Variants in TNFRSF10D observed in about 807,000 individuals in gnomAD.
TNFRSF10D encodes the protein TNF receptor superfamily member 10d.
In TNFRSF10D, 28 loss-of-function variants were observed where a neutral mutation model predicts 42.1. The ratio of observed to expected loss-of-function variants is 0.66; its 90% confidence interval spans 0.49 to 0.91. The LOEUF (loss-of-function observed/expected upper bound fraction) is 0.91. Among genes scored for constraint, TNFRSF10D ranks in the 40% least tolerant of loss-of-function variants. TNFRSF10D has a pLI of 0.00. For missense variants in TNFRSF10D, 503 were observed against 486.1 expected, an observed-to-expected ratio of 1.03 and a Z score of -0.33; for synonymous variants, 186 against 189.4, an observed-to-expected ratio of 0.98 and a Z score of 0.15.
In TNFRSF10D at chr8:23,139,517, A is replaced by G. The variant is rs1464108579; in HGVS notation, c.955-1257T>C. Among the ~76,000 whole-genome samples the G allele has an allele frequency of 1.1e-4, 16 of 152,284 alleles. No homozygotes were observed. In the South Asian group the frequency reaches 3.1e-3, roughly 30 times the overall value. ...TGTTAAAAAACATTAGAAAGTTCCC[A>G]TTGGAACATGCCTCAAAATGGTAAG... is the stretch of plus-strand genomic sequence containing the variant. On this transcript the variant is annotated intron_variant, in intron 7 of 8. Transcript: ENST00000312584.
chr8:23,148,630 T>C, intron 2 of TNFRSF10D, 79 bp from the exon 3 acceptor site: 2 of 1,097,570 alleles, frequency 1.8e-6, no homozygotes, highest in South Asian at 1.3e-5. Flanking sequence ...AATTTCTCTT[T>C]TGGCCCTCAG....
Position 23,144,504 on chromosome 8 carries a change from C to G in TNFRSF10D, c.900G>C (p.Leu300=), listed in dbSNP as rs2128836479. The G allele has an allele frequency of 6.2e-7, 1 of 1,614,246 alleles. No individual in the cohort carries two copies. Among genetic ancestry groups the G allele is most frequent in the African/African-American group, 1.3e-5 (1 of 75,072 alleles). ...VSEQEIQGQE[L]AELTGVTVEL... is the part of the protein sequence containing the mutation. ...CTACAGTCACACCTGTTAGCTCTGC[C>G]AGCTCCTGACCTTGGATTTCCTGCT... Residue 300 remains leucine (L), a synonymous_variant, in exon 7 of 9, where the codon CTG becomes CTC. Transcript: ENST00000312584.
chr8:23,154,800 G>T (rs754007725), intron 2 of TNFRSF10D, 74 bp downstream of exon 2: 148 of 1,445,682 alleles, frequency 1.0e-4, no homozygotes, highest in Admixed American at 2.0e-4. Context: ...CAAACATCAT[G>T]GTGTACACCA....
At chr8:23,142,351 T>A (rs984792447) in intron 7 of TNFRSF10D, among the ~76,000 whole-genome samples, 13 of 152,026 alleles carry the variant, frequency 8.6e-5, no homozygotes, top group Non-Finnish European at 1.5e-4. Context: ...CAACCTAGGT[T>A]CCCATCAACA....
Position 23,136,181 on chromosome 8 carries a change from T to C in TNFRSF10D, c.*1689A>G. 4.0e-6 allele frequency: 1 copy of C among 249,502 alleles called. No homozygotes were observed. The highest frequency in any genetic ancestry group is 4.6e-5 in the South Asian group (1 of 21,876). The allele number at this position is 249,502 out of a possible 1,614,324, so 15.5% of individuals were successfully genotyped here. On this transcript the variant is annotated 3_prime_UTR_variant, in exon 9 of 9. Coordinates refer to ENST00000312584, the MANE Select transcript of TNFRSF10D (RefSeq NM_003840.5). ...ATTTATCCTACCACGACTGGGCTAC[T>C]GTGGAGAAGAGTTTGCTGGAAAGAA...
chr8:23,139,529 C>T (rs1207161601), intron 7 of TNFRSF10D, among the ~76,000 whole-genome samples: 1 of 151,968 alleles, frequency 6.6e-6, no homozygotes, highest in Non-Finnish European at 1.5e-5. Context: ...TGGAACATGC[C>T]TCAAAATGGT....
intron 1 of TNFRSF10D, among the ~76,000 whole-genome samples, chr8:23,162,847 T>C (rs1379296954): frequency 1.3e-5 from 2 of 152,234 alleles, no homozygotes; most frequent in African/African-American, 4.8e-5. Context: ...GGAAAGCTTT[T>C]TCACAGGCTG....
At chr8:23,161,777 A>G (rs10089572) in intron 1 of TNFRSF10D, among the ~76,000 whole-genome samples, 26,125 of 151,506 alleles carry the variant, frequency 0.17, 2,970 homozygotes, top group East Asian at 0.58. Context: ...CACATGTGTG[A>G]ACTAGGTGTG....
intron 2 of TNFRSF10D, among the ~76,000 whole-genome samples, chr8:23,152,943 A>G (rs1387334884): frequency 3.3e-5 from 5 of 152,238 alleles, no homozygotes; most frequent in African/African-American, 1.2e-4. Flanking sequence ...AAAAAGAACA[A>G]TGATGGAGGC....
intron 1 of TNFRSF10D, among the ~76,000 whole-genome samples, chr8:23,162,089 C>A (rs1409754757): frequency 6.6e-6 from 1 of 152,172 alleles, no homozygotes; most frequent in Non-Finnish European, 1.5e-5. Context: ...AAATACAATA[C>A]CCTTGTTTAA....
intron 1 of TNFRSF10D, among the ~76,000 whole-genome samples, chr8:23,162,062 G>A (rs1283733680): frequency 2.6e-5 from 4 of 152,138 alleles, no homozygotes; most frequent in Non-Finnish European, 5.9e-5. Flanking sequence ...ATTAACCTGT[G>A]GCTTACCCAT....
intron 2 of TNFRSF10D, among the ~76,000 whole-genome samples, chr8:23,149,015 C>T (rs1027232048): frequency 4.0e-5 from 6 of 151,096 alleles, no homozygotes; most frequent in Non-Finnish European, 7.4e-5. Context: ...ACAGTGAAAC[C>T]CCATCTCTAC....
In TNFRSF10D at chr8:23,144,515, C is replaced by G. The variant is rs1800081675; in HGVS notation, c.889G>C (p.Gly297Arg). ...PTQVSEQEIQ[G>R]QELAELTGVT... ...CCTGTTAGCTCTGCCAGCTCCTGAC[C>G]TTGGATTTCCTGCTCAGAGACCTGG... The change falls in exon 7 of 9, where the codon GGT becomes CGT. Residue 297 changes from glycine (G) to arginine (R), a missense_variant. By Grantham distance (125) the Gly-to-Arg change is moderately radical. Transcript: ENST00000312584. The G allele has an allele frequency of 2.5e-6, 4 of 1,614,218 alleles. No individual in the cohort carries two copies. Among genetic ancestry groups the G allele is most frequent in the Non-Finnish European group, 2.5e-6 (3 of 1,180,044 alleles).
intron 2 of TNFRSF10D, among the ~76,000 whole-genome samples, chr8:23,153,855 C>T (rs958406764): frequency 2.6e-5 from 4 of 152,194 alleles, no homozygotes; most frequent in African/African-American, 9.7e-5. Context: ...TATGATCCAG[C>T]AATCCCAGTA....
At chr8:23,138,337 G>C in intron 7 of TNFRSF10D, 77 bp from the exon 8 acceptor site, 1 of 1,502,368 alleles carries the variant, frequency 6.7e-7, no homozygotes, top group Non-Finnish European at 9.3e-7. Context: ...CCACTAGCCA[G>C]CAAGAGACCT....
chr8:23,149,941 A>C (rs994615960), intron 2 of TNFRSF10D, among the ~76,000 whole-genome samples: 1 of 152,224 alleles, frequency 6.6e-6, no homozygotes, highest in African/African-American at 2.4e-5. Flanking sequence ...AGGGCCTCTT[A>C]TAATTATCCC....
intron 2 of TNFRSF10D, among the ~76,000 whole-genome samples, chr8:23,149,006 C>A (rs576865774): frequency 3.3e-5 from 5 of 151,464 alleles, no homozygotes; most frequent in Admixed American, 6.6e-5. Flanking sequence ...CTGGCTAACA[C>A]AGTGAAACCC....
chr8:23,161,669 T>G (rs10092352), intron 1 of TNFRSF10D, among the ~76,000 whole-genome samples: 26,476 of 151,900 alleles, frequency 0.17, 2,961 homozygotes, highest in East Asian at 0.58. Flanking sequence ...CTAATACCAT[T>G]AAGGAATGAA....
rs554521683 is a variant in TNFRSF10D, at chr8:23,144,474, C to T, written c.930G>A (p.Leu310=). Residue 310 remains leucine, a synonymous_variant, in exon 7 of 9, where the codon TTG becomes TTA. Coordinates refer to ENST00000312584, the MANE Select transcript of TNFRSF10D (RefSeq NM_003840.5). ...LAELTGVTVE[L]PEEPQRLLEQ... Reference sequence around the variant, plus strand: ...CCAGCAGACGCTGTGGCTCCTCTGGCAACTCTACAGTCACACCTGTTAGCT... The same window carrying T: ...CCAGCAGACGCTGTGGCTCCTCTGGTAACTCTACAGTCACACCTGTTAGCT... 3.7e-6 allele frequency: 6 copies of T among 1,613,936 alleles called. No homozygotes were observed. Among genetic ancestry groups the T allele is most frequent in the Non-Finnish European group, 5.1e-6 (6 of 1,179,934 alleles).
Sources: allele counts gnomAD v4.1 joint callset (sites outside exome capture counted in the v4.1 genomes callset), GRCh38; gene constraint gnomAD v4.1.1; transcripts MANE v1.5; gene names NCBI Gene and HGNC (gene_info 2026-07-23, HGNC 2026-07-21).